The following PLAC1 variants were observed in gnomAD, a reference collection of about 807,000 sequenced individuals.
The protein encoded by PLAC1 is placenta-specific protein 1.
For synonymous variants in PLAC1, 68 were observed against 62.1 expected, an observed-to-expected ratio of 1.09 and a Z score of -0.44; for missense variants, 136 against 163.2, an observed-to-expected ratio of 0.83 and a Z score of 0.91.
intron 2 of PLAC1, among the ~76,000 whole-genome samples, chrX:134,717,235 G>A (rs1427771342): frequency 9.0e-6 from 1 of 111,566 alleles, no homozygotes; most frequent in Non-Finnish European, 1.9e-5. Context: ...ATAGTCTTCA[G>A]GGAGAAGTAC....
chrX:134,573,932 G>T (rs963525549), intron 2 of PLAC1, among the ~76,000 whole-genome samples: 8 of 111,833 alleles, frequency 7.2e-5, no homozygotes, highest in Non-Finnish European at 1.3e-4. Context: ...TTTAGAAAAG[G>T]TTCCTTTGAT....
chrX:134,722,320 T>C (rs762255516), intron 2 of PLAC1, among the ~76,000 whole-genome samples: 5 of 112,533 alleles, frequency 4.4e-5, no homozygotes, highest in African/African-American at 6.5e-5. Flanking sequence ...ATTTGGTATA[T>C]CCATACAATG....
At chrX:134,761,466 C>T (rs1033091773) in intron 1 of PLAC1, among the ~76,000 whole-genome samples, 7 of 112,000 alleles carry the variant, frequency 6.3e-5, no homozygotes, top group African/African-American at 2.0e-4. Flanking sequence ...CTCTTAAACG[C>T]TATTGACGAG....
At chrX:134,621,444 C>CAAAAAAAA (rs11317429) in intron 1 of PLAC1, among the ~76,000 whole-genome samples, 4 of 33,854 alleles carry the variant, frequency 1.2e-4, no homozygotes, top group African/African-American at 1.1e-4. Context: ...GGCTCTGTCT[C>CAAAAAAAA]AAAAAAAAAA....
chrX:134,624,991 C>G (rs1439099663), intron 1 of PLAC1, among the ~76,000 whole-genome samples: 2 of 111,530 alleles, frequency 1.8e-5, no homozygotes, highest in Non-Finnish European at 3.8e-5. Flanking sequence ...CTAGGTGCAA[C>G]TACAGCTAGA....
intron 2 of PLAC1, among the ~76,000 whole-genome samples, chrX:134,708,795 C>T (rs1017518747): frequency 2.7e-5 from 3 of 111,483 alleles, no homozygotes; most frequent in African/African-American, 9.8e-5. Flanking sequence ...ACGTCGGCCT[C>T]CCAAAGTGCT....
At chrX:134,607,464 T>A (rs956636444) in intron 1 of PLAC1, 1 of 136,819 alleles carries the variant, frequency 7.3e-6, no homozygotes, top group African/African-American at 3.3e-5. Context: ...AAAAATAGCA[T>A]CCTGAATTGC....
At chrX:134,684,037 G>A (rs187979113) in intron 2 of PLAC1, among the ~76,000 whole-genome samples, 3 of 111,618 alleles carry the variant, frequency 2.7e-5, no homozygotes, top group Admixed American at 9.5e-5. Context: ...TGGTCCTAAT[G>A]GGAAGCTGGC....
intron 1 of PLAC1, among the ~76,000 whole-genome samples, chrX:134,641,937 A>T (rs780040168): frequency 8.9e-6 from 1 of 112,611 alleles, no homozygotes; most frequent in South Asian, 3.7e-4. Context: ...AGATGAACAT[A>T]GAGGGAAAGG....
chrX:134,625,376 T>C (rs1377818889), intron 1 of PLAC1, among the ~76,000 whole-genome samples: 1 of 112,233 alleles, frequency 8.9e-6, no homozygotes, highest in Non-Finnish European at 1.9e-5. Flanking sequence ...GACATTTCAT[T>C]GCAAAAATAA....
intron 1 of PLAC1, among the ~76,000 whole-genome samples, chrX:134,642,920 G>A (rs1242747413): frequency 4.6e-5 from 5 of 108,473 alleles, no homozygotes; most frequent in Non-Finnish European, 9.6e-5. Flanking sequence ...GCAGAGAAAG[G>A]GAGAGGAAGA....
intron 1 of PLAC1, among the ~76,000 whole-genome samples, chrX:134,620,692 C>T (rs747294254): frequency 4.3e-4 from 48 of 111,312 alleles, no homozygotes; most frequent in Non-Finnish European, 7.5e-4. Flanking sequence ...ACAGGAGCCT[C>T]GAAAGATTCA....
rs769234243 is a variant in PLAC1 at position 134,578,337 on chromosome X, C to T, written c.-58-11597G>A. 1.2e-4 allele frequency among the ~76,000 whole-genome samples: 12 copies of T among 101,608 alleles called. No individual in the cohort carries two copies. The East Asian group carries it at 1.6e-3, about 13-fold the overall frequency. The allele number at this position is 101,608 out of a possible 115,157, so 88.2% of individuals were successfully genotyped here. A position where few individuals can be genotyped will look rare whatever the true frequency, so the allele number is the denominator to read the frequency against. On this transcript the variant is annotated intron_variant, in intron 2 of 2. Transcript: ENST00000359237. ...CTGAGGCAGGAGAATGGCGTGAACC[C>T]GGGAGGCAGAACTTGCAGTGAGCCG...
At chrX:134,583,848 C>T (rs1445620565) in intron 2 of PLAC1, among the ~76,000 whole-genome samples, 2 of 110,822 alleles carry the variant, frequency 1.8e-5, no homozygotes, top group African/African-American at 6.6e-5. Context: ...GATATTCCTT[C>T]ATCCACCCCT....
At chrX:134,755,762 T>C (rs1476897173) in intron 1 of PLAC1, among the ~76,000 whole-genome samples, 1 of 111,035 alleles carries the variant, frequency 9.0e-6, no homozygotes, top group Non-Finnish European at 1.9e-5. Context: ...TTTAAAAAGT[T>C]CTTTATATGT....
At chrX:134,653,439 G>A (rs773554350) in intron 1 of PLAC1, among the ~76,000 whole-genome samples, 2 of 112,288 alleles carry the variant, frequency 1.8e-5, no homozygotes, top group East Asian at 5.6e-4. Context: ...AGAAGACAGG[G>A]GACGTCAGTG....
chrX:134,696,771 G>A (rs888279296), intron 2 of PLAC1, among the ~76,000 whole-genome samples: 2 of 111,262 alleles, frequency 1.8e-5, no homozygotes, highest in East Asian at 5.6e-4. Flanking sequence ...GCTCACGCCT[G>A]TAATCCCAGC....
chrX:134,570,817 A>G lies in PLAC1; in HGVS notation c.-58-4077T>C, dbSNP rs1179144936. Among the ~76,000 whole-genome samples the G allele has an allele frequency of 8.1e-5, 9 of 111,790 alleles. No homozygotes were observed. The East Asian group carries it at 2.5e-3, about 31-fold the overall frequency. On this transcript the variant is annotated intron_variant, in intron 2 of 2. Transcript: ENST00000359237. ...TGGAGTTTATGCATATACATTTCCC[A>G]CTAGCTCCTTTAACAGAGTTTTCCT...
intron 2 of PLAC1, among the ~76,000 whole-genome samples, chrX:134,689,252 G>A (rs1434442200): frequency 1.8e-5 from 2 of 111,728 alleles, no homozygotes; most frequent in Admixed American, 9.5e-5. Flanking sequence ...ACCATGTCAC[G>A]CCTGTGCTCA....
Sources: allele counts gnomAD v4.1 joint callset (sites outside exome capture counted in the v4.1 genomes callset), GRCh38; gene constraint gnomAD v4.1.1; transcripts MANE v1.5; gene names NCBI Gene and HGNC (gene_info 2026-07-23, HGNC 2026-07-21).